The following CHST11 variants were observed in gnomAD, a reference collection of about 807,000 sequenced individuals.
The protein encoded by CHST11 is carbohydrate sulfotransferase 11.
A neutral mutation model predicts 30.4 loss-of-function variants in CHST11; 9 were observed. The observed-to-expected ratio is 0.30, with a 90% confidence interval of 0.18 to 0.52. CHST11 has a LOEUF of 0.52. CHST11 is among the 20% of genes least tolerant of loss of function. CHST11 has a pLI of 0.97. For synonymous variants in CHST11, 152 were observed against 187.8 expected (o/e 0.81, Z 1.56); for missense variants, 348 against 460.6 (o/e 0.76, Z 2.24).
At chr12:104,689,403 G>T (rs1173445313) in intron 2 of CHST11, among the ~76,000 whole-genome samples, 1 of 152,238 alleles carries the variant, frequency 6.6e-6, no homozygotes, top group Non-Finnish European at 1.5e-5. Flanking sequence ...ACCCTCGTTT[G>T]TGTGTTATGC....
At chr12:104,489,714 C>T (rs917454364) in intron 1 of CHST11, among the ~76,000 whole-genome samples, 5 of 152,116 alleles carry the variant, frequency 3.3e-5, no homozygotes, top group African/African-American at 4.8e-5. Context: ...CTACCCACCT[C>T]GGCCTCCCAA....
intron 2 of CHST11, among the ~76,000 whole-genome samples, chr12:104,749,587 T>C (rs1379740226): frequency 6.6e-6 from 1 of 152,368 alleles, no homozygotes; most frequent in Middle Eastern, 3.4e-3. Flanking sequence ...TTGGAAAATT[T>C]GGGCATTCTC....
intron 2 of CHST11, among the ~76,000 whole-genome samples, chr12:104,659,035 A>G (rs7965164): frequency 0.22 from 33,645 of 152,290 alleles, 4,222 homozygotes; most frequent in Non-Finnish European, 0.29. Flanking sequence ...AGCCCTTCAC[A>G]TCTTACCAAG....
chr12:104,475,688 A>ATATATATATATATATATATATTATT (rs1555226434), intron 1 of CHST11, among the ~76,000 whole-genome samples: 1 of 78,466 alleles, frequency 1.3e-5, no homozygotes, highest in Non-Finnish European at 2.9e-5. Context: ...ATATATATAT[A>ATATATATATATATATATATATTATT]TATTTCTGAT....
At chr12:104,467,693 T>G (rs1326763890) in intron 1 of CHST11, among the ~76,000 whole-genome samples, 1 of 152,184 alleles carries the variant, frequency 6.6e-6, no homozygotes, top group Non-Finnish European at 1.5e-5. Context: ...GAGAAGAAAC[T>G]CACAAAGGCA....
At chr12:104,475,898 C>CATAT (rs111389369) in intron 1 of CHST11, among the ~76,000 whole-genome samples, 7 of 132,724 alleles carry the variant, frequency 5.3e-5, no homozygotes, top group South Asian at 2.4e-4. Flanking sequence ...AAGTAGGTCC[C>CATAT]ATATATATAT....
chr12:104,475,931 G>T, intron 1 of CHST11, among the ~76,000 whole-genome samples: 1 of 140,248 alleles, frequency 7.1e-6, no homozygotes, highest in African/African-American at 2.6e-5. Context: ...TTTAGAAGCG[G>T]GTCCCTTATA....
rs2040526125 is a variant in CHST11, at chr12:104,761,502, A to ACACACACACACACACACACACAC, written c.*3699_*3700insCACACACACACACACACACACAC. On this transcript the variant is annotated 3_prime_UTR_variant, in exon 3 of 3. Coordinates refer to ENST00000303694, the MANE Select transcript of CHST11 (RefSeq NM_018413.6). Reference sequence around the variant, plus strand: ...ACACACACACACACACACACACACAATCTCAGCTGCGCCATTCTGTGCAAT... The same window carrying ACACACACACACACACACACACAC: ...ACACACACACACACACACACACACAACACACACACACACACACACACACTCTCAGCTGCGCCATTCTGTGCAAT... 1.0e-5 allele frequency: 1 copy of ACACACACACACACACACACACAC among 96,202 alleles called. No individual in the cohort carries two copies. The highest frequency in any genetic ancestry group is 6.6e-5 in the African/African-American group (1 of 15,094). 6.0% of individuals were successfully genotyped at this position (96,202 alleles called of 1,614,324 possible).
At chr12:104,568,916 T>TTGAG (rs1249851695) in intron 1 of CHST11, among the ~76,000 whole-genome samples, 8 of 152,198 alleles carry the variant, frequency 5.3e-5, no homozygotes, top group Non-Finnish European at 1.0e-4. Context: ...CATTAGCTCT[T>TTGAG]TAAGACAGTC....
At chr12:104,623,315 A>G (rs947567185) in intron 2 of CHST11, among the ~76,000 whole-genome samples, 2 of 152,212 alleles carry the variant, frequency 1.3e-5, no homozygotes, top group African/African-American at 4.8e-5. Context: ...AGCTGGTGAG[A>G]CAATGGAAGC....
At position 104,684,302 on chromosome 12, in the gene CHST11, GGATA is replaced by G. The variant is rs1330918559; in HGVS notation, c.205-72643_205-72640del. 8.7e-4 allele frequency among the ~76,000 whole-genome samples: 132 copies of G among 151,010 alleles called. 1 individual carries two copies. The highest frequency in any genetic ancestry group is 3.1e-3 in the African/African-American group (126 of 41,200). ...TGGATGGATGGATGGATGGATGGAT[GGATA>G]GATGGGTGAGTGAGTGGATGGATAG... On this transcript the variant is annotated intron_variant, in intron 2 of 2. Coordinates refer to ENST00000303694, the MANE Select transcript of CHST11 (RefSeq NM_018413.6).
chr12:104,521,474 C>T (rs542101927), intron 1 of CHST11, among the ~76,000 whole-genome samples: 10 of 152,238 alleles, frequency 6.6e-5, no homozygotes, highest in South Asian at 2.1e-4. Context: ...TGTCGTTTTA[C>T]GTCTTTATTT....
intron 1 of CHST11, among the ~76,000 whole-genome samples, chr12:104,493,011 C>G (rs560733309): frequency 9.6e-4 from 145 of 150,746 alleles, no homozygotes; most frequent in African/African-American, 3.5e-3. Flanking sequence ...CCAGCCTGGG[C>G]AACAGAGCAA....
intron 1 of CHST11, among the ~76,000 whole-genome samples, chr12:104,540,256 T>A (rs2038274409): frequency 6.6e-6 from 1 of 152,138 alleles, no homozygotes; most frequent in Non-Finnish European, 1.5e-5. Flanking sequence ...GGACAAAAAG[T>A]CATAAATAAA....
Position 104,457,407 on chromosome 12 carries a change from A to C in CHST11, c.-5A>C. ...CACCCCGGTCCCCGCAGCCAGGACA[A>C]AGCCATGAAGCCAGCGCTGCTGGAA... On this transcript the variant is annotated 5_prime_UTR_variant, in exon 1 of 3. Transcript: ENST00000303694. 1.2e-6 allele frequency: 2 copies of C among 1,610,712 alleles called. No individual in the cohort carries two copies. Among genetic ancestry groups the C allele is most frequent in the South Asian group, 2.2e-5 (2 of 90,966 alleles).
chr12:104,535,586 T>A (rs2038228969), intron 1 of CHST11, among the ~76,000 whole-genome samples: 1 of 152,156 alleles, frequency 6.6e-6, no homozygotes, highest in African/African-American at 2.4e-5. Context: ...AATAGAGGTA[T>A]TTGCAAATAT....
chr12:104,563,188 T>G (rs2038530510), intron 1 of CHST11, among the ~76,000 whole-genome samples: 1 of 152,054 alleles, frequency 6.6e-6, no homozygotes, highest in African/African-American at 2.4e-5. Flanking sequence ...TTACAGGCGC[T>G]CACTACCAAG....
At chr12:104,718,093 A>G (rs779682584) in intron 2 of CHST11, among the ~76,000 whole-genome samples, 1 of 152,228 alleles carries the variant, frequency 6.6e-6, no homozygotes, top group African/African-American at 2.4e-5. Context: ...TCCTGGGCCC[A>G]TCTTTATTGA....
intron 2 of CHST11, among the ~76,000 whole-genome samples, chr12:104,609,343 A>C (rs1402436546): frequency 6.6e-6 from 1 of 152,210 alleles, no homozygotes; most frequent in Non-Finnish European, 1.5e-5. Flanking sequence ...TATTACATTA[A>C]CCTGATCTTA....
Sources: gnomAD v4.1 joint callset for allele counts (sites outside exome capture counted in the v4.1 genomes callset) on GRCh38, gnomAD v4.1.1 for gene constraint, MANE v1.5 for transcripts, NCBI Gene and HGNC (gene_info 2026-07-23, HGNC 2026-07-21) for gene names.